NREP: variants seen among roughly 807,000 people sequenced by gnomAD.
NREP encodes the protein neuronal regeneration-related protein.
A neutral mutation model predicts 8.6 loss-of-function variants in NREP; 5 were observed. The observed-to-expected ratio is 0.58, with a 90% confidence interval of 0.30 to 1.22. The LOEUF is 1.22. Among genes scored for constraint, NREP ranks in the 50% most tolerant of loss-of-function variants. The pLI is 0.07. For synonymous variants in NREP, 27 were observed against 28.0 expected, an observed-to-expected ratio of 0.96 and a Z score of 0.11; for missense variants, 86 against 82.5, an observed-to-expected ratio of 1.04 and a Z score of -0.17.
intron 2 of NREP, among the ~76,000 whole-genome samples, chr5:111,868,570 T>C (rs1371489303): frequency 2.0e-5 from 3 of 152,184 alleles, no homozygotes; most frequent in African/African-American, 7.2e-5. Context: ...TAAGTGGCAA[T>C]ATATAGCCAT....
chr5:111,769,698 G>A lies in NREP; in HGVS notation c.136-34191C>T, dbSNP rs149871551. Among the ~76,000 whole-genome samples, 404 of 152,312 alleles carry A rather than the reference G, an allele frequency of 2.7e-3. 1 individual carries two copies. The highest frequency in any genetic ancestry group is 9.5e-3 in the African/African-American group (393 of 41,578). ...AAAACTTACAATTATAGCAGAAGGC[G>A]AAGGGGAAGCAAGCCCGTCTTACTA... is the stretch of plus-strand genomic sequence containing the variant. On this transcript the variant is annotated intron_variant, in intron 2 of 3. Coordinates refer to the NREP transcript ENST00000395634.
intron 2 of NREP, among the ~76,000 whole-genome samples, chr5:111,869,696 G>C (rs965656995): frequency 1.2e-4 from 18 of 152,154 alleles, no homozygotes; most frequent in Middle Eastern, 3.2e-3. Context: ...GATTTGCTTG[G>C]AAGGGATATA....
chr5:111,762,089 A>T (rs1366218151), upstream of NREP, among the ~76,000 whole-genome samples: 1 of 152,126 alleles, frequency 6.6e-6, no homozygotes, highest in East Asian at 1.9e-4. Flanking sequence ...CCAAATTAAG[A>T]TGGAGGGCAT....
At chr5:111,871,884 C>T (rs1056533822) in intron 2 of NREP, among the ~76,000 whole-genome samples, 2 of 144,016 alleles carry the variant, frequency 1.4e-5, no homozygotes, top group African/African-American at 2.7e-5. Flanking sequence ...ATGAAAATCT[C>T]GTTCTATATA....
At chr5:111,783,567 T>C (rs762232598) in intron 2 of NREP, among the ~76,000 whole-genome samples, 1 of 152,188 alleles carries the variant, frequency 6.6e-6, no homozygotes, top group Non-Finnish European at 1.5e-5. Context: ...ATATCAACTG[T>C]AGTTGTTTCA....
chr5:111,735,909 A>G (rs1749067850), intron 2 of NREP, among the ~76,000 whole-genome samples: 1 of 152,226 alleles, frequency 6.6e-6, no homozygotes, highest in South Asian at 2.1e-4. Context: ...TTAGAAGGCC[A>G]AAGATTATGA....
intron 2 of NREP, among the ~76,000 whole-genome samples, chr5:111,774,329 T>C (rs556289865): frequency 9.3e-4 from 142 of 152,158 alleles, no homozygotes; most frequent in African/African-American, 3.3e-3. Flanking sequence ...GTAGGCAGAA[T>C]ATTGGCTGCC....
At chr5:111,791,008 G>A (rs879848053) in intron 2 of NREP, among the ~76,000 whole-genome samples, 1 of 152,024 alleles carries the variant, frequency 6.6e-6, no homozygotes, top group Non-Finnish European at 1.5e-5. Context: ...GGTGGGAGAG[G>A]GTCCTGCAAC....
At chr5:111,782,539 C>G (rs1751516928) in intron 2 of NREP, among the ~76,000 whole-genome samples, 1 of 152,086 alleles carries the variant, frequency 6.6e-6, no homozygotes, top group African/African-American at 2.4e-5. Context: ...TTATACTTAA[C>G]TATAGGAAAC....
At chr5:111,755,981 A>C in intron 1 of NREP, 151 bp from the exon 2 acceptor site, 1 of 1,429,210 alleles carries the variant, frequency 7.0e-7, no homozygotes, top group Non-Finnish European at 9.2e-7. Flanking sequence ...GATTTCTGAA[A>C]GAGCTTTCCA....
chr5:111,919,038 A>G (rs1340647847), intron 2 of NREP, among the ~76,000 whole-genome samples: 3 of 152,228 alleles, frequency 2.0e-5, no homozygotes, highest in African/African-American at 7.2e-5. Context: ...TTGACAAGAA[A>G]AAAACAGACA....
chr5:111,956,996 T>TAAATAAAA (rs1756342148), intron 2 of NREP, among the ~76,000 whole-genome samples: 1 of 148,300 alleles, frequency 6.7e-6, no homozygotes, highest in South Asian at 2.1e-4. Flanking sequence ...AATAAATAAA[T>TAAATAAAA]AAAATGCCAG....
intron 2 of NREP, among the ~76,000 whole-genome samples, chr5:111,854,100 C>T (rs548389326): frequency 7.2e-5 from 11 of 152,178 alleles, no homozygotes; most frequent in South Asian, 2.1e-4. Context: ...TCTTTATTCT[C>T]AAAGAAGAAT....
intron 2 of NREP, among the ~76,000 whole-genome samples, chr5:111,767,718 T>G (rs987908246): frequency 6.6e-6 from 1 of 152,120 alleles, no homozygotes; most frequent in Non-Finnish European, 1.5e-5. Context: ...CAGGCAAGAG[T>G]GCAGTGGCAC....
chr5:111,795,361 T>C (rs1481779974), intron 2 of NREP, among the ~76,000 whole-genome samples: 2 of 152,174 alleles, frequency 1.3e-5, no homozygotes, highest in African/African-American at 2.4e-5. Context: ...AAGGAAGGAC[T>C]GCAAAGCAGA....
intron 2 of NREP, among the ~76,000 whole-genome samples, chr5:111,774,143 T>C (rs748732220): frequency 1.3e-5 from 2 of 151,648 alleles, no homozygotes; most frequent in African/African-American, 2.4e-5. Flanking sequence ...CTCCTTATAT[T>C]ACATGTCCAG....
chr5:111,941,292 C>T (rs1581236857), intron 2 of NREP, among the ~76,000 whole-genome samples: 1 of 152,044 alleles, frequency 6.6e-6, no homozygotes, highest in South Asian at 2.1e-4. Flanking sequence ...AACATCACAC[C>T]TTTTTGTTTT....
chr5:111,783,662 T>G (rs1023745335), intron 2 of NREP, among the ~76,000 whole-genome samples: 2 of 152,234 alleles, frequency 1.3e-5, no homozygotes, highest in African/African-American at 4.8e-5. Flanking sequence ...TTAGCTTGAA[T>G]GAGTGATGAA....
At chr5:111,813,641 G>C (rs1237442922) in intron 2 of NREP, among the ~76,000 whole-genome samples, 1 of 152,054 alleles carries the variant, frequency 6.6e-6, no homozygotes, top group Admixed American at 6.6e-5. Flanking sequence ...ATCATGTTAA[G>C]TAATATATGG....
Sources: allele counts gnomAD v4.1 joint callset (sites outside exome capture counted in the v4.1 genomes callset), GRCh38; gene constraint gnomAD v4.1.1; transcripts MANE v1.5; gene names NCBI Gene and HGNC (gene_info 2026-07-23, HGNC 2026-07-21).